The following AXL variants were observed in gnomAD, a reference collection of about 807,000 sequenced individuals.
The protein encoded by AXL is tyrosine-protein kinase receptor UFO.
Under a neutral mutation model 104.5 loss-of-function variants are expected in AXL, and 52 were observed. That is an observed-to-expected ratio of 0.50 (90% CI 0.40 to 0.63). AXL has a LOEUF of 0.63. AXL is among the 20% of genes least tolerant of loss of function. AXL has a pLI of 0.00. For missense variants in AXL, 1,024 were observed against 1,188.5 expected, an observed-to-expected ratio of 0.86 and a Z score of 2.04; for synonymous variants, 455 against 473.7, an observed-to-expected ratio of 0.96 and a Z score of 0.51.
At position 41,243,021 on chromosome 19, in the gene AXL, T is replaced by C; in HGVS notation, c.1445+6T>C. 5 of 1,614,094 alleles carry C rather than the reference T, an allele frequency of 3.1e-6. No homozygotes were observed. The highest frequency in any genetic ancestry group is 3.4e-6 in the Non-Finnish European group (4 of 1,180,008). ...AAGAAGGAGACCCGTTATGGGTGAG[T>C]TGGAACCACATGGGGAGGCTGTGTG... is the stretch of plus-strand genomic sequence containing the variant. On this transcript the variant is annotated splice_donor_region_variant and intron_variant, in intron 11 of 19. Transcript: ENST00000301178.
chr19:41,257,137 G>A (rs1382859517), intron 18 of AXL, among the ~76,000 whole-genome samples: 4 of 152,068 alleles, frequency 2.6e-5, no homozygotes, highest in Admixed American at 1.3e-4. Flanking sequence ...TCTGCCTCCC[G>A]GGTTCAAGCA....
At chr19:41,249,705 G>A (rs541093901) in intron 14 of AXL, among the ~76,000 whole-genome samples, 147 of 151,644 alleles carry the variant, frequency 9.7e-4, no homozygotes, top group African/African-American at 3.4e-3. Flanking sequence ...GCAGTGAGCC[G>A]AGATCGTGCC....
intron 4 of AXL, among the ~76,000 whole-genome samples, chr19:41,222,548 G>C (rs139089268): frequency 7.5e-4 from 114 of 152,306 alleles, no homozygotes; most frequent in African/African-American, 2.5e-3. Context: ...CTCAGTCAAA[G>C]GGAGGATGTC....
chr19:41,242,900 C>A lies in AXL; in HGVS notation c.1330C>A (p.Pro444Thr), dbSNP rs759103229. The change falls in exon 11 of 20, where the codon CCT (proline) becomes ACT (threonine). Residue 444 changes from proline to threonine, a missense_variant. Around this residue, in one of 5 missense-constraint regions of AXL, gnomAD observed 523 missense variants for 636.0 expected, o/e 0.82. Transcript: ENST00000301178. ...VHQLVKEPST[P>T]AFSWPWWYVL... is the part of the protein sequence containing the mutation. ...CCTGATAGTGAAGGAACCTTCAACT[C>A]CTGCCTTCTCGTGGCCCTGGTGGTA... 8 of 1,614,102 alleles carry A rather than the reference C, an allele frequency of 5.0e-6. No homozygotes were observed. Among genetic ancestry groups the A allele is most frequent in the South Asian group, 1.1e-5 (1 of 91,092 alleles).
At chr19:41,252,126 A>G (rs2034373633) in intron 14 of AXL, among the ~76,000 whole-genome samples, 1 of 146,930 alleles carries the variant, frequency 6.8e-6, no homozygotes, top group African/African-American at 2.5e-5. Context: ...AAAAAAAAAA[A>G]AAGAAAATAT....
chr19:41,222,578 G>C (rs1437446032), intron 4 of AXL, among the ~76,000 whole-genome samples: 1 of 152,212 alleles, frequency 6.6e-6, no homozygotes, highest in Non-Finnish European at 1.5e-5. Context: ...CCCCACTGGG[G>C]AGATGGAACC....
chr19:41,240,376 G>GTGGATGGA lies in AXL; in HGVS notation c.1312+675_1312+682dup, dbSNP rs34483903. Reference sequence around the variant, plus strand: ...AGTGGATATATGGATGGGTAGATGGGTGGATGGATGGATGGATGGATGGAT... The same window carrying GTGGATGGA: ...AGTGGATATATGGATGGGTAGATGGGTGGATGGATGGATGGATGGATGGATGGATGGAT... On this transcript the variant is annotated intron_variant, in intron 10 of 19. Transcript: ENST00000301178. Among the ~76,000 whole-genome samples, 319 of 149,424 alleles carry GTGGATGGA rather than the reference G, an allele frequency of 2.1e-3. 1 individual carries two copies. The highest frequency in any genetic ancestry group is 6.2e-3 in the African/African-American group (250 of 40,276).
Position 41,260,140 on chromosome 19 carries a change from C to A in AXL, c.*236C>A. 2.0e-6 allele frequency: 1 copy of A among 487,866 alleles called. No individual in the cohort carries two copies. Among genetic ancestry groups the A allele is most frequent in the Non-Finnish European group, 3.6e-6 (1 of 277,904 alleles). 30.2% of individuals were successfully genotyped at this position (487,866 alleles called of 1,614,324 possible). On this transcript the variant is annotated 3_prime_UTR_variant, in exon 20 of 20. Transcript: ENST00000301178. ...AGGGGTTGGATTGCAATATCTGAAG[C>A]CCTCCCAGGTGTTAACATTCCAAGA...
chr19:41,249,660 G>T (rs762286063), intron 14 of AXL, among the ~76,000 whole-genome samples: 35 of 151,952 alleles, frequency 2.3e-4, no homozygotes, highest in Admixed American at 2.6e-4. Flanking sequence ...GGAGGCTGAG[G>T]CAGGAGAATC....
intron 15 of AXL, 148 bp from the exon 16 acceptor site, chr19:41,252,698 G>C: frequency 1.4e-6 from 2 of 1,419,312 alleles, no homozygotes; most frequent in Non-Finnish European, 1.9e-6. Flanking sequence ...CTTCTCTGCA[G>C]CTTGGTCCTT....
intron 12 of AXL, among the ~76,000 whole-genome samples, chr19:41,244,211 G>GA (rs920406027): frequency 5.5e-5 from 8 of 145,738 alleles, no homozygotes; most frequent in South Asian, 2.2e-4. Context: ...TCTCAAAAAA[G>GA]AAAAAAAAAT....
chr19:41,257,021 C>A (rs1416585244), intron 18 of AXL, among the ~76,000 whole-genome samples: 1 of 151,992 alleles, frequency 6.6e-6, no homozygotes, highest in African/African-American at 2.4e-5. Flanking sequence ...TGTGTATACC[C>A]GTGTCAAGTA....
rs1355572040 is a variant in AXL, at chr19:41,253,678, T to TA, written c.2007dup (p.His670ThrfsTer13). On this transcript the variant is annotated frameshift_variant, in exon 17 of 20. Transcript: ENST00000301178. LOFTEE classifies it high-confidence loss of function. ...GAGTATCTGAGTACCAAGAGATTCA[T>TA]ACACCGGGACCTGGCGGCCAGGAAC... 2 of 1,612,792 alleles carry TA rather than the reference T, an allele frequency of 1.2e-6. No homozygotes were observed. Among genetic ancestry groups the TA allele is most frequent in the Admixed American group, 3.3e-5 (2 of 59,886 alleles).
At position 41,221,571 on chromosome 19, in the gene AXL, C is replaced by T. The variant is rs558037919; in HGVS notation, c.410-309C>T. On this transcript the variant is annotated intron_variant, in intron 3 of 19. Transcript: ENST00000301178. ...TAAGGCGTCAGAGGCACGCAACGTACCCCTGTCCCCACGACCCCAGCGGTC... is the reference window on the plus strand; with the variant it reads ...TAAGGCGTCAGAGGCACGCAACGTATCCCTGTCCCCACGACCCCAGCGGTC... 3 of 502,994 alleles carry T rather than the reference C, an allele frequency of 6.0e-6. No individual in the cohort carries two copies. The East Asian group carries it at 1.1e-4, about 18-fold the overall frequency. 31.2% of individuals were successfully genotyped at this position (502,994 alleles called of 1,614,324 possible).
chr19:41,230,775 C>T (rs184755519), intron 4 of AXL, among the ~76,000 whole-genome samples, 192 bp from the exon 5 acceptor site: 2 of 152,120 alleles, frequency 1.3e-5, no homozygotes, highest in African/African-American at 4.8e-5. Flanking sequence ...CCAAGCCATC[C>T]TTGTGTTTGG....
intron 11 of AXL, 131 bp from the exon 12 acceptor site, chr19:41,243,485 G>A (rs1218152094): frequency 6.6e-6 from 5 of 761,116 alleles, no homozygotes; most frequent in Admixed American, 1.8e-5. Flanking sequence ...GCTGCCCAAG[G>A]CATGCTCAGC....
At position 41,260,015 on chromosome 19, in the gene AXL, T is replaced by C. The variant is rs2034513248; in HGVS notation, c.*111T>C. ...CACGCCTTATCCCCACTTGCAGCCCTGTCTTCCTACCTATCCCACCTCCAT... is the reference window on the plus strand; with the variant it reads ...CACGCCTTATCCCCACTTGCAGCCCCGTCTTCCTACCTATCCCACCTCCAT... On this transcript the variant is annotated 3_prime_UTR_variant, in exon 20 of 20. Coordinates refer to ENST00000301178, the MANE Select transcript of AXL (RefSeq NM_021913.5). 9.9e-7 allele frequency: 1 copy of C among 1,014,878 alleles called. No homozygotes were observed. The highest frequency in any genetic ancestry group is 1.4e-6 in the Non-Finnish European group (1 of 711,610). 62.9% of individuals were successfully genotyped at this position (1,014,878 alleles called of 1,614,324 possible). A position where few individuals can be genotyped will look rare whatever the true frequency, so the allele number is the denominator to read the frequency against.
intron 4 of AXL, among the ~76,000 whole-genome samples, 153 bp downstream of exon 4, chr19:41,222,209 G>T (rs1336647864): frequency 6.6e-6 from 1 of 152,008 alleles, no homozygotes; most frequent in East Asian, 1.9e-4. Flanking sequence ...GTCTGTCTCT[G>T]CCTCTCTGTC....
At chr19:41,248,654 A>T in intron 13 of AXL, 45 bp downstream of exon 13, 1 of 1,612,296 alleles carries the variant, frequency 6.2e-7, no homozygotes, top group Non-Finnish European at 8.5e-7. Flanking sequence ...AACTTCTGAG[A>T]TCCTGCACTT....
Sources: gnomAD v4.1 joint callset for allele counts (sites outside exome capture counted in the v4.1 genomes callset) on GRCh38, gnomAD v4.1.1 for gene constraint, gnomAD v4.1.1 regional missense constraint, MANE v1.5 for transcripts, NCBI Gene and HGNC (gene_info 2026-07-23, HGNC 2026-07-21) for gene names.